The following INTS6L variants were observed in gnomAD, a reference collection of about 807,000 sequenced individuals.
INTS6L encodes the protein integrator complex subunit 6 like, also known as integrator complex subunit 6-like.
INTS6L carries 18 observed loss-of-function variants against 64.7 expected under a neutral mutation model. The observed-to-expected ratio is 0.28, with a 90% CI of 0.19 to 0.41. The LOEUF is 0.41. INTS6L is among the 10% of genes least tolerant of loss of function. The probability of loss-of-function intolerance (pLI) is 1.00; values close to 1 mark genes in which losing one functional copy is unlikely to be tolerated. For synonymous variants in INTS6L, 227 were observed against 235.9 expected (o/e 0.96, Z 0.34); for missense variants, 533 against 661.0 (o/e 0.81, Z 2.12).
Position 135,552,061 on chromosome X carries a change from A to C in INTS6L, c.974A>C (p.Lys325Thr), listed in dbSNP as rs1328966982. 5 of 1,207,806 alleles carry C rather than the reference A, an allele frequency of 4.1e-6. No homozygotes were observed. Among genetic ancestry groups the C allele is most frequent in the Non-Finnish European group, 5.6e-6 (5 of 894,480 alleles). Residue 325 changes from lysine to threonine, a missense_variant, in exon 8 of 18, where the codon AAA becomes ACA. Transcript: ENST00000639893. ...CVDCEPMVIDKLPFDKYELEP... is the reference protein window; with the variant it reads ...CVDCEPMVIDTLPFDKYELEP... Reference sequence around the variant, plus strand: ...GATTGTGAGCCAATGGTAATAGACAAACTTCCTTTTGACAAATATGAACTT... The same window carrying C: ...GATTGTGAGCCAATGGTAATAGACACACTTCCTTTTGACAAATATGAACTT...
intron 16 of INTS6L, among the ~76,000 whole-genome samples, 154 bp downstream of exon 16, chrX:135,580,316 G>T (rs1293174799): frequency 1.8e-5 from 2 of 111,999 alleles, no homozygotes; most frequent in African/African-American, 6.5e-5. Context: ...AACTAAAAAG[G>T]TACAGTCTAT....
At chrX:135,572,750 T>A in intron 11 of INTS6L, 65 bp from the exon 12 acceptor site, 1 of 951,081 alleles carries the variant, frequency 1.1e-6, no homozygotes. Context: ...TTATCTTTCT[T>A]AAGTAGTAAA....
intron 2 of INTS6L, 108 bp downstream of exon 2, chrX:135,521,426 G>A (rs2085550642): frequency 8.8e-6 from 7 of 798,252 alleles, no homozygotes; most frequent in African/African-American, 2.2e-5. Context: ...CCGGCGGGGC[G>A]GGCGGCGAGG....
intron 2 of INTS6L, among the ~76,000 whole-genome samples, chrX:135,543,820 C>A (rs782646076): frequency 8.9e-6 from 1 of 112,119 alleles, no homozygotes; most frequent in Non-Finnish European, 1.9e-5. Context: ...CACTAAAGTT[C>A]AGTTTATCTA....
intron 2 of INTS6L, among the ~76,000 whole-genome samples, chrX:135,532,736 C>G (rs1011395574): frequency 2.7e-5 from 3 of 111,735 alleles, no homozygotes; most frequent in Non-Finnish European, 5.6e-5. Flanking sequence ...AACTGAAAGG[C>G]AGAAAGTGGA....
At chrX:135,554,883 C>CTTTTTTTTTTTTTT (rs35845600) in intron 8 of INTS6L, among the ~76,000 whole-genome samples, 2 of 50,472 alleles carry the variant, frequency 4.0e-5, no homozygotes, top group African/African-American at 8.8e-5. Context: ...ACCAGCATAA[C>CTTTTTTTTTTTTTT]TTTTTTTTTT....
At chrX:135,535,621 G>T (rs1427771852) in intron 2 of INTS6L, among the ~76,000 whole-genome samples, 2 of 112,225 alleles carry the variant, frequency 1.8e-5, no homozygotes, top group African/African-American at 6.5e-5. Context: ...AAAGTGAGTT[G>T]GTTGAAAAAT....
rs1300345149 is a variant in INTS6L, at chrX:135,582,489, T to C, written c.*853T>C. The C allele has an allele frequency of 8.9e-6, 1 of 112,531 alleles. No individual in the cohort carries two copies. The highest frequency in any genetic ancestry group is 2.8e-4 in the East Asian group (1 of 3,601). The allele number at this position is 112,531 out of a possible 1,213,427, so 9.3% of individuals were successfully genotyped here. A position where few individuals can be genotyped will look rare whatever the true frequency, so the allele number is the denominator to read the frequency against. On this transcript the variant is annotated 3_prime_UTR_variant, in exon 18 of 18. Transcript: ENST00000639893. ...ATTTTGCATATATAAAATAAATCAT[T>C]TTATTGATTTTCACAAGTTCATTAA...
chrX:135,554,748 A>C (rs1351456191), intron 8 of INTS6L, among the ~76,000 whole-genome samples: 1 of 110,828 alleles, frequency 9.0e-6, no homozygotes, highest in Non-Finnish European at 1.9e-5. Context: ...AGGGGACCCC[A>C]GTACAACATA....
chrX:135,581,661 G>A lies in INTS6L; in HGVS notation c.*25G>A. 1 of 1,153,908 alleles carries A rather than the reference G, an allele frequency of 8.7e-7. No individual in the cohort carries two copies. The highest frequency in any genetic ancestry group is 1.2e-6 in the Non-Finnish European group (1 of 844,063). On this transcript the variant is annotated 3_prime_UTR_variant, in exon 18 of 18. Transcript: ENST00000639893. Reference sequence around the variant, plus strand: ...GTGCAAAGACCAGTGAGAAAAAAATGACAAGTTTTCTGTGCTGTAGGATGG... The same window carrying A: ...GTGCAAAGACCAGTGAGAAAAAAATAACAAGTTTTCTGTGCTGTAGGATGG...
intron 9 of INTS6L, among the ~76,000 whole-genome samples, chrX:135,557,110 G>A (rs1415381466): frequency 9.0e-6 from 1 of 111,701 alleles, no homozygotes; most frequent in Non-Finnish European, 1.9e-5. Context: ...GTATTAGCAT[G>A]ATTATTTTAA....
At chrX:135,565,655 G>T (rs1556524521) in intron 9 of INTS6L, among the ~76,000 whole-genome samples, 2 of 111,805 alleles carry the variant, frequency 1.8e-5, no homozygotes. Flanking sequence ...TATTTTGGTT[G>T]CCCAACAGCC....
At chrX:135,529,641 T>G (rs1217711507) in intron 2 of INTS6L, among the ~76,000 whole-genome samples, 3 of 112,089 alleles carry the variant, frequency 2.7e-5, no homozygotes, top group African/African-American at 9.7e-5. Flanking sequence ...AGGACCACTT[T>G]ATAGCCCTAA....
At chrX:135,578,280 G>A (rs1416496392) in intron 15 of INTS6L, among the ~76,000 whole-genome samples, 3 of 111,339 alleles carry the variant, frequency 2.7e-5, no homozygotes, top group African/African-American at 9.8e-5. Flanking sequence ...CTCCACTTAG[G>A]TGTCTAATAG....
intron 9 of INTS6L, among the ~76,000 whole-genome samples, chrX:135,562,858 A>G (rs1207561237): frequency 8.9e-6 from 1 of 111,845 alleles, no homozygotes; most frequent in African/African-American, 3.2e-5. Flanking sequence ...GAACTTGCCT[A>G]TAACTGTTTT....
At chrX:135,547,107 T>G (rs1556515316) in intron 5 of INTS6L, 30 bp from the exon 6 acceptor site, 2 of 1,198,454 alleles carry the variant, frequency 1.7e-6, no homozygotes, top group Non-Finnish European at 2.2e-6. Flanking sequence ...TTGATCAAAC[T>G]TGTGCTATTT....
intron 8 of INTS6L, among the ~76,000 whole-genome samples, chrX:135,553,107 A>G (rs2086545695): frequency 8.9e-6 from 1 of 112,180 alleles, no homozygotes; most frequent in Non-Finnish European, 1.9e-5. Context: ...CAAACATAAT[A>G]CTGAGCAAAG....
intron 9 of INTS6L, among the ~76,000 whole-genome samples, chrX:135,563,657 AGCTATATATATAGC>A (rs1325069078): frequency 1.3e-3 from 14 of 10,799 alleles, no homozygotes; most frequent in South Asian, 4.7e-3. Context: ...ATATATATAT[AGCTATATATATAGC>A]TATATATATA....
intron 2 of INTS6L, among the ~76,000 whole-genome samples, chrX:135,529,406 G>A (rs147332742): frequency 0.015 from 1,702 of 111,932 alleles, 25 homozygotes; most frequent in African/African-American, 0.052. Context: ...CATCAGTGGC[G>A]TTAAAAGGAG....
Sources: allele counts gnomAD v4.1 joint callset (sites outside exome capture counted in the v4.1 genomes callset), GRCh38; gene constraint gnomAD v4.1.1; transcripts MANE v1.5; gene names NCBI Gene and HGNC (gene_info 2026-07-23, HGNC 2026-07-21).